Variants in PRRT4 observed in about 807,000 individuals in gnomAD.
PRRT4 encodes proline rich transmembrane protein 4.
A neutral mutation model predicts 55.6 loss-of-function variants in PRRT4; 59 were observed. That is an observed-to-expected ratio of 1.06 (90% CI 0.86 to 1.32). The LOEUF (loss-of-function observed/expected upper bound fraction) is 1.32. Among genes scored for constraint, PRRT4 ranks in the 40% most tolerant of loss-of-function variants. The pLI is 0.00. For synonymous variants in PRRT4, 606 were observed against 601.8 expected (o/e 1.01, Z -0.10); for missense variants, 1,217 against 1,222.0 (o/e 1.00, Z 0.06).
rs1167908729 is a variant in PRRT4, at chr7:128,358,842, C to G, written c.758-42G>C. 6.7e-7 allele frequency: 1 copy of G among 1,490,592 alleles called. No homozygotes were observed. The highest frequency in any genetic ancestry group is 1.4e-5 in the African/African-American group (1 of 70,428). The allele number at this position is 1,490,592 out of a possible 1,614,324, so 92.3% of individuals were successfully genotyped here. Reference sequence around the variant, plus strand: ...TGGGGCTCAAGTGCCACCCCACCAACCAGCCTTGCCTCTGGGAGTTTGGAG... The same window carrying G: ...TGGGGCTCAAGTGCCACCCCACCAAGCAGCCTTGCCTCTGGGAGTTTGGAG... On this transcript the variant is annotated intron_variant, in intron 3 of 4. Coordinates refer to ENST00000535159, the Ensembl canonical transcript of PRRT4. This position sits in a 1 kb window ranked among gnomAD's most constrained non-coding sequence, Gnocchi z 4.4.
intron 4 of PRRT4, among the ~76,000 whole-genome samples, chr7:128,353,802 C>T (rs1164042736): frequency 6.6e-6 from 1 of 152,168 alleles, no homozygotes; most frequent in Non-Finnish European, 1.5e-5. Flanking sequence ...CTCAGTTGCT[C>T]TGGGGTTTGC....
exon 5 of PRRT4, chr7:128,351,255 C>T (rs1259994643): frequency 6.5e-7 from 1 of 1,539,694 alleles, no homozygotes; most frequent in East Asian, 2.4e-5. Context: ...CCCCGGTCCC[C>T]AGCGAGGCGG....
At chr7:128,354,604 A>C (rs985965978) in intron 4 of PRRT4, among the ~76,000 whole-genome samples, 7 of 147,724 alleles carry the variant, frequency 4.7e-5, no homozygotes, top group East Asian at 2.0e-4. Flanking sequence ...CACACACACA[A>C]CAGTTCTTAA....
Position 128,352,683 on chromosome 7 carries a change from G to A in PRRT4, c.878-5C>T. ...CAGAGATGGGGACTGTGGGGTCTGT[G>A]GGCAAAGAACGTTTGGCTTGAGGCA... On this transcript the variant is annotated splice_polypyrimidine_tract_variant and splice_region_variant and intron_variant, in intron 4 of 4. Transcript: ENST00000535159. 1 of 1,518,198 alleles carries A rather than the reference G, an allele frequency of 6.6e-7. No individual in the cohort carries two copies. The highest frequency in any genetic ancestry group is 2.5e-5 in the East Asian group (1 of 40,538). 94.0% of individuals were successfully genotyped at this position (1,518,198 alleles called of 1,614,324 possible).
chr7:128,352,289 C>A, exon 5 of PRRT4: 1 of 1,543,670 alleles, frequency 6.5e-7, no homozygotes, highest in Non-Finnish European at 8.7e-7. Flanking sequence ...TCCCTGTGCC[C>A]ATAGGCGTCG....
chr7:128,359,132 C>A lies in PRRT4; in HGVS notation c.757+17G>T, dbSNP rs1318218228. The A allele has an allele frequency of 3.2e-6, 5 of 1,549,472 alleles. No individual in the cohort carries two copies. Among genetic ancestry groups the A allele is most frequent in the Admixed American group, 2.0e-5 (1 of 51,006 alleles). On this transcript the variant is annotated intron_variant, in intron 3 of 4. Transcript: ENST00000535159. ...TAGAGTGTTCCACAATAGTTTATTGCAATGAAATAAACTCACCCAGAGAAC... is the reference window on the plus strand; with the variant it reads ...TAGAGTGTTCCACAATAGTTTATTGAAATGAAATAAACTCACCCAGAGAAC...
At chr7:128,359,885 G>T in exon 2 of PRRT4, 1 of 1,467,444 alleles carries the variant, frequency 6.8e-7, no homozygotes, top group Non-Finnish European at 9.1e-7. Flanking sequence ...GGGGGTCAAA[G>T]TGGTGGCAGG....
At chr7:128,354,870 T>C (rs1364375) in intron 4 of PRRT4, among the ~76,000 whole-genome samples, 3 of 152,312 alleles carry the variant, frequency 2.0e-5, no homozygotes, top group African/African-American at 7.2e-5. Context: ...ACCTACTGCA[T>C]AGGACTGTTG....
At chr7:128,351,830 C>A in exon 5 of PRRT4, 1 of 1,386,718 alleles carries the variant, frequency 7.2e-7, no homozygotes, top group Non-Finnish European at 9.3e-7. Flanking sequence ...ACCTCATAGC[C>A]CTGCAGGGCT....
intron 4 of PRRT4, among the ~76,000 whole-genome samples, chr7:128,353,525 C>T (rs1797046318): frequency 1.3e-5 from 2 of 152,106 alleles, no homozygotes; most frequent in South Asian, 2.1e-4. Context: ...CTGAGGAAAA[C>T]ATCATTTCTC....
chr7:128,359,502 G>A (rs1423403822), exon 2 of PRRT4: 4 of 1,467,632 alleles, frequency 2.7e-6, no homozygotes, highest in Non-Finnish European at 3.6e-6. Flanking sequence ...CTGGATGGAA[G>A]TGCTGTCACC....
At chr7:128,360,899 C>T (rs976522861) in intron 1 of PRRT4, among the ~76,000 whole-genome samples, 8 of 151,880 alleles carry the variant, frequency 5.3e-5, no homozygotes, top group African/African-American at 1.9e-4. Flanking sequence ...CACATGCACC[C>T]GGCACCCTTA....
Position 128,358,895 on chromosome 7 carries a change from C to T in PRRT4, c.758-95G>A, listed in dbSNP as rs1797172504. On this transcript the variant is annotated intron_variant, in intron 3 of 4. Transcript: ENST00000535159. The surrounding 1 kb of genome is among the most constrained non-coding windows in gnomAD (Gnocchi z 4.4). ...AATTATGTCCTTCCCCAGAGTTTGT[C>T]CTAAGGAAGTCACTGTCCCAGGAAT... 2 of 1,462,280 alleles carry T rather than the reference C, an allele frequency of 1.4e-6. No individual in the cohort carries two copies. Among genetic ancestry groups the T allele is most frequent in the Non-Finnish European group, 9.0e-7 (1 of 1,108,986 alleles). The allele number at this position is 1,462,280 out of a possible 1,614,324, so 90.6% of individuals were successfully genotyped here.
Position 128,359,874 on chromosome 7 carries a change from C to A in PRRT4, c.118G>T (p.Val40Leu), listed in dbSNP as rs185604453. The A allele has an allele frequency of 9.1e-6, 13 of 1,422,274 alleles. No individual in the cohort carries two copies. Among genetic ancestry groups the A allele is most frequent in the Non-Finnish European group, 1.2e-5 (13 of 1,078,136 alleles). The allele number at this position is 1,422,274 out of a possible 1,614,324, so 88.1% of individuals were successfully genotyped here. The change falls in exon 2 of 5, where the codon GTA (valine) becomes TTA (leucine). Residue 40 changes from valine (V) to leucine (L), a missense_variant. Transcript: ENST00000535159. ...AGCATAGAGGCCTCACTTTGAGGTACGGGGGTCAAAGTGGTGGCAGGGGCA... is the reference window on the plus strand; with the variant it reads ...AGCATAGAGGCCTCACTTTGAGGTAAGGGGGTCAAAGTGGTGGCAGGGGCA...
At position 128,358,168 on chromosome 7, in the gene PRRT4, C is replaced by T. The variant is rs1176118069; in HGVS notation, c.877+513G>A. ...AGCCTGTGGTCTTTCCTCGTACCAC[C>T]AGCTTGTCCGTGTGCATGTTCTGAA... is the stretch of plus-strand genomic sequence containing the variant. On this transcript the variant is annotated intron_variant, in intron 4 of 4. Transcript: ENST00000535159. This position sits in a 1 kb window ranked among gnomAD's most constrained non-coding sequence, Gnocchi z 4.4. Among the ~76,000 whole-genome samples the T allele has an allele frequency of 6.6e-6, 1 of 152,178 alleles. No homozygotes were observed. Among genetic ancestry groups the T allele is most frequent in the African/African-American group, 2.4e-5 (1 of 41,432 alleles).
rs35659631 is a variant in PRRT4, at chr7:128,361,101, T to A, written c.-73+460A>T. On this transcript the variant is annotated intron_variant, in intron 1 of 4. Coordinates refer to ENST00000535159, the Ensembl canonical transcript of PRRT4. ...GTCTCTCTCTCTCTCTCTCTCTCTCTCTCACACACACACACACACACACAC... is the reference window on the plus strand; with the variant it reads ...GTCTCTCTCTCTCTCTCTCTCTCTCACTCACACACACACACACACACACAC... Among the ~76,000 whole-genome samples the A allele has an allele frequency of 0.038, 4,469 of 117,966 alleles. 81 individuals are homozygous for A. Among genetic ancestry groups the A allele is most frequent in the Non-Finnish European group, 0.044 (2,550 of 58,196 alleles). The allele number at this position is 117,966 out of a possible 152,430, so 77.4% of individuals were successfully genotyped here. A position where few individuals can be genotyped will look rare whatever the true frequency, so the allele number is the denominator to read the frequency against.
At chr7:128,351,585 G>C (rs1259029302) in exon 5 of PRRT4, 1 of 1,503,792 alleles carries the variant, frequency 6.6e-7, no homozygotes, top group South Asian at 1.2e-5. Context: ...CCTTGTCTGG[G>C]GGCCCAGTGA....
exon 5 of PRRT4, chr7:128,351,878 T>G: frequency 7.5e-7 from 1 of 1,328,490 alleles, no homozygotes; most frequent in Non-Finnish European, 9.6e-7. Context: ...ACCGGGGCCG[T>G]GCGCGCCGCG....
chr7:128,357,543 G>T (rs978216707), intron 4 of PRRT4, among the ~76,000 whole-genome samples: 3 of 152,096 alleles, frequency 2.0e-5, no homozygotes, highest in Admixed American at 1.3e-4. Flanking sequence ...ATCACATCCT[G>T]CCCCTGCTGC....
Sources: gnomAD v4.1 joint callset for allele counts (sites outside exome capture counted in the v4.1 genomes callset) on GRCh38, gnomAD v4.1.1 for gene constraint, Gnocchi (gnomAD v3.1) non-coding constraint, MANE v1.5 for transcripts, NCBI Gene and HGNC (gene_info 2026-07-23, HGNC 2026-07-21) for gene names.